The following NXPE2 variants were observed in gnomAD, a reference collection of about 807,000 sequenced individuals.
The protein encoded by NXPE2 is NXPE family member 2.
NXPE2 carries 34 observed loss-of-function variants against 34.4 expected under a neutral mutation model. The observed-to-expected ratio is 0.99, with a 90% confidence interval of 0.75 to 1.31. NXPE2 has a LOEUF of 1.31. Ranked by LOEUF, NXPE2 falls within the 40% of genes most tolerant of loss-of-function variation. The pLI, the probability that NXPE2 is intolerant of heterozygous loss-of-function variation, is 0.00. For missense variants in NXPE2, 649 were observed against 672.5 expected (o/e 0.97, Z 0.39); for synonymous variants, 235 against 231.3 (o/e 1.02, Z -0.15).
At chr11:114,552,272 G>C in the NXPE2 span, among the ~76,000 whole-genome samples, 1 of 152,160 alleles carries the variant, frequency 6.6e-6, no homozygotes, top group Non-Finnish European at 1.5e-5. Flanking sequence ...AACTTGTAGA[G>C]GTGTTGAGTG....
chr11:114,493,740 A>T, the NXPE2 span, among the ~76,000 whole-genome samples: 183 of 152,208 alleles, frequency 1.2e-3, no homozygotes, highest in African/African-American at 4.1e-3. Context: ...GATATAGTTT[A>T]TACACTACAA....
At chr11:114,787,890 T>G in the NXPE2 span, among the ~76,000 whole-genome samples, 6 of 152,232 alleles carry the variant, frequency 3.9e-5, no homozygotes, top group African/African-American at 1.4e-4. Context: ...GGGACCTCTT[T>G]TCTTTGGGAC....
the NXPE2 span, among the ~76,000 whole-genome samples, chr11:114,527,434 C>T: frequency 6.6e-6 from 1 of 152,098 alleles, no homozygotes; most frequent in South Asian, 2.1e-4. Flanking sequence ...AACATATAAT[C>T]AGATGAAAGC....
the NXPE2 span, among the ~76,000 whole-genome samples, chr11:114,635,008 T>G: frequency 0.2 from 29,676 of 151,864 alleles, 3,569 homozygotes; most frequent in African/African-American, 0.33. Context: ...AAGAAAGTCA[T>G]TGGTAGCTTG....
At chr11:114,735,093 G>C in the NXPE2 span, among the ~76,000 whole-genome samples, 1 of 152,098 alleles carries the variant, frequency 6.6e-6, no homozygotes, top group Non-Finnish European at 1.5e-5. Flanking sequence ...CTGGGCAACA[G>C]AGCAAGACTC....
At chr11:114,760,729 A>G in the NXPE2 span, among the ~76,000 whole-genome samples, 2 of 152,172 alleles carry the variant, frequency 1.3e-5, no homozygotes, top group Non-Finnish European at 2.9e-5. Context: ...CTCCAAATGT[A>G]AAAAGAGAGC....
the NXPE2 span, among the ~76,000 whole-genome samples, chr11:114,646,300 A>G: frequency 4.0e-5 from 6 of 151,582 alleles, no homozygotes; most frequent in African/African-American, 1.4e-4. Context: ...TTTCATAAAT[A>G]TTATGTATAT....
At chr11:114,484,592 T>C in the NXPE2 span, among the ~76,000 whole-genome samples, 13 of 152,318 alleles carry the variant, frequency 8.5e-5, no homozygotes, top group South Asian at 2.7e-3. Flanking sequence ...TGAAGGGATA[T>C]TAGAAATCCC....
the NXPE2 span, among the ~76,000 whole-genome samples, chr11:114,513,867 A>G: frequency 7.1e-6 from 1 of 140,026 alleles, no homozygotes; most frequent in Non-Finnish European, 1.5e-5. Context: ...AAATGCAAAG[A>G]CTTTTTGTAA....
chr11:114,722,924 C>A, the NXPE2 span, among the ~76,000 whole-genome samples: 1 of 151,990 alleles, frequency 6.6e-6, no homozygotes, highest in East Asian at 1.9e-4. Flanking sequence ...TGTCATTTAG[C>A]AAACAAAAGA....
the NXPE2 span, chr11:114,518,294 T>G: frequency 6.6e-6 from 1 of 152,218 alleles, no homozygotes; most frequent in African/African-American, 2.4e-5. Flanking sequence ...CTCAGCACAT[T>G]CAGCCCCACA....
chr11:114,721,184 G>A, the NXPE2 span, among the ~76,000 whole-genome samples: 6 of 152,056 alleles, frequency 3.9e-5, no homozygotes, highest in Admixed American at 1.3e-4. Flanking sequence ...TCTGATTGAC[G>A]GTGATTAGTG....
chr11:114,802,934 C>T, the NXPE2 span, among the ~76,000 whole-genome samples: 10 of 151,872 alleles, frequency 6.6e-5, no homozygotes, highest in Non-Finnish European at 1.0e-4. Flanking sequence ...GAACCTTCTG[C>T]AGACATGAAA....
chr11:114,741,003 C>G, the NXPE2 span, among the ~76,000 whole-genome samples: 1 of 152,090 alleles, frequency 6.6e-6, no homozygotes, highest in South Asian at 2.1e-4. Flanking sequence ...TCCTTCATTT[C>G]TTGAAGAAGA....
the NXPE2 span, among the ~76,000 whole-genome samples, chr11:114,549,233 A>T: frequency 6.6e-6 from 1 of 152,058 alleles, no homozygotes; most frequent in Non-Finnish European, 1.5e-5. Flanking sequence ...AGAGCACTAG[A>T]AACAAATAAA....
At chr11:114,679,157 A>G (rs988181553) in intron 1 of NXPE2, among the ~76,000 whole-genome samples, 1 of 151,778 alleles carries the variant, frequency 6.6e-6, no homozygotes, top group African/African-American at 2.4e-5. Flanking sequence ...GGTGGCAACA[A>G]GCTGCCTAAA....
the NXPE2 span, among the ~76,000 whole-genome samples, chr11:114,585,742 A>G: frequency 2.6e-5 from 4 of 152,144 alleles, no homozygotes; most frequent in Admixed American, 6.5e-5. Flanking sequence ...CTTTTTAACA[A>G]AAAGGAGCCC....
At chr11:114,604,852 T>G in the NXPE2 span, among the ~76,000 whole-genome samples, 20 of 152,132 alleles carry the variant, frequency 1.3e-4, no homozygotes, top group East Asian at 2.7e-3. Context: ...GGGTATCCAC[T>G]GTTACCTGCT....
chr11:114,589,305 C>T, the NXPE2 span, among the ~76,000 whole-genome samples: 1 of 152,078 alleles, frequency 6.6e-6, no homozygotes, highest in Admixed American at 6.5e-5. Context: ...ATTCCCATTA[C>T]AGCACAGGAG....
Sources: gnomAD v4.1 joint callset for allele counts (sites outside exome capture counted in the v4.1 genomes callset) on GRCh38, gnomAD v4.1.1 for gene constraint, MANE v1.5 for transcripts, NCBI Gene and HGNC (gene_info 2026-07-23, HGNC 2026-07-21) for gene names.